Variants in ACSS1 observed in about 807,000 individuals in gnomAD.
ACSS1 encodes acetyl-coenzyme A synthetase 2-like, mitochondrial.
Under a neutral mutation model 75.3 loss-of-function variants are expected in ACSS1, and 42 were observed. That is an observed-to-expected ratio of 0.56 (90% CI 0.44 to 0.72). ACSS1 has a LOEUF of 0.72. Ranked by LOEUF, ACSS1 falls within the 30% of genes least tolerant of loss-of-function variation. The pLI is 0.00. For missense variants in ACSS1, 782 were observed against 935.7 expected (o/e 0.84, Z 2.14); for synonymous variants, 380 against 376.8 (o/e 1.01, Z -0.10).
intron 4 of ACSS1, 115 bp downstream of exon 4, chr20:25,023,350 AG>A (rs2088658719): frequency 7.7e-7 from 1 of 1,291,940 alleles, no homozygotes; most frequent in Non-Finnish European, 1.1e-6. Context: ...CAAATACCAC[AG>A]AGGAACCCTG....
chr20:25,024,340 G>A (rs2088677131), intron 3 of ACSS1, among the ~76,000 whole-genome samples: 1 of 152,200 alleles, frequency 6.6e-6, no homozygotes, highest in South Asian at 2.1e-4. Context: ...CGCACAGTGG[G>A]CCTCAAGACC....
chr20:25,009,495 T>A lies in ACSS1; in HGVS notation c.1772-107A>T. On this transcript the variant is annotated intron_variant, in intron 12 of 13. Coordinates refer to ENST00000323482, the MANE Select transcript of ACSS1 (RefSeq NM_032501.4). Reference sequence around the variant, plus strand: ...GCCAGAAATCCGAAGGGCTTTTGAATCCTATGTTAGTGACATTGTAGCAGC... The same window carrying A: ...GCCAGAAATCCGAAGGGCTTTTGAAACCTATGTTAGTGACATTGTAGCAGC... 3.5e-6 allele frequency: 3 copies of A among 868,118 alleles called. No homozygotes were observed. In the Admixed American group the frequency reaches 6.1e-5, roughly 18 times the overall value. 53.8% of individuals were successfully genotyped at this position (868,118 alleles called of 1,614,324 possible).
chr20:25,013,539 G>C lies in ACSS1; in HGVS notation c.1576C>G (p.Pro526Ala). The change falls in exon 10 of 14, where the codon CCA becomes GCA. Residue 526 changes from proline to alanine, a missense_variant. Physicochemically the swap from Pro to Ala is conservative, Grantham distance 27 (BLOSUM62 -1). Around this residue, in one of 2 missense-constraint regions of ACSS1, gnomAD observed 405 missense variants for 552.6 expected, o/e 0.73. Coordinates refer to ENST00000323482, the MANE Select transcript of ACSS1 (RefSeq NM_032501.4). ...GGGTCCCTGACAGCCTGCTCACCTG[G>C]GTAGGCCTTGAAGTAGGCGTCCACA... is the stretch of plus-strand genomic sequence containing the variant. ...RFVDAYFKAY[P>A]GYYFTGDGAY... is the part of the protein sequence containing the mutation. The C allele has an allele frequency of 6.3e-7, 1 of 1,596,494 alleles. No homozygotes were observed. The highest frequency in any genetic ancestry group is 8.6e-7 in the Non-Finnish European group (1 of 1,165,830).
In ACSS1 at chr20:25,007,018, C is replaced by G; in HGVS notation, c.*744G>C. 2.0e-6 allele frequency: 3 copies of G among 1,522,920 alleles called. No homozygotes were observed. Among genetic ancestry groups the G allele is most frequent in the Non-Finnish European group, 2.6e-6 (3 of 1,139,494 alleles). The allele number at this position is 1,522,920 out of a possible 1,614,324, so 94.3% of individuals were successfully genotyped here. On this transcript the variant is annotated 3_prime_UTR_variant, in exon 14 of 14. Transcript: ENST00000323482. ...GAACATAACTGGAGTAGCTTCAGAA[C>G]TAAGGCGGCCACATTCACCCCACCG...
chr20:25,009,220 T>C (rs754351729), intron 13 of ACSS1, 50 bp downstream of exon 13: 7 of 1,422,548 alleles, frequency 4.9e-6, no homozygotes, highest in South Asian at 1.2e-5. Context: ...CACTTGACAA[T>C]TGTGGGAAGA....
At chr20:25,032,246 G>A in intron 2 of ACSS1, 1 of 880,198 alleles carries the variant, frequency 1.1e-6, no homozygotes, top group Non-Finnish European at 1.5e-6. Flanking sequence ...ACCACTCAGG[G>A]CGCATCATCT....
chr20:25,006,976 C>G lies in ACSS1; in HGVS notation c.*786G>C. 6.5e-7 allele frequency: 1 copy of G among 1,534,940 alleles called. No homozygotes were observed. The highest frequency in any genetic ancestry group is 8.7e-7 in the Non-Finnish European group (1 of 1,146,462). On this transcript the variant is annotated 3_prime_UTR_variant, in exon 14 of 14. Transcript: ENST00000323482. The stretch of plus-strand genomic sequence containing the variant: ...TGGGGGCACAAAAATCTTTCTGGAT[C>G]ACAGCTTGAAGAAACAGAACATAAC...
intron 2 of ACSS1, among the ~76,000 whole-genome samples, chr20:25,041,893 G>T (rs909412258): frequency 6.6e-6 from 1 of 152,200 alleles, no homozygotes; most frequent in Non-Finnish European, 1.5e-5. Context: ...GACTTTGAGG[G>T]TTTGGTCACC....
In ACSS1 at chr20:25,057,903, C is replaced by T. The variant is rs369478811; in HGVS notation, c.200G>A (p.Arg67Gln). The T allele has an allele frequency of 9.9e-6, 16 of 1,611,970 alleles. No homozygotes were observed. The African/African-American group carries it at 1.6e-4, about 16-fold the overall frequency. The change falls in exon 1 of 14, where the codon CGG (arginine) becomes CAG (glutamine). Residue 67 changes from arginine to glutamine, a missense_variant. Transcript: ENST00000323482. ...SYPALSAQAA[R>Q]EPAAFWGPLA... is the part of the protein sequence containing the mutation. Reference sequence around the variant, plus strand: ...AGGCCCCCAGAAGGCGGCCGGCTCCCGGGCTGCCTGTGCACTCAGCGCGGG... The same window carrying T: ...AGGCCCCCAGAAGGCGGCCGGCTCCTGGGCTGCCTGTGCACTCAGCGCGGG...
intron 12 of ACSS1, chr20:25,011,526 C>T (rs1291148708): frequency 6.6e-6 from 1 of 152,336 alleles, no homozygotes; most frequent in Non-Finnish European, 1.5e-5. Flanking sequence ...GCGAGGTAAC[C>T]TCAGGGGGGC....
chr20:25,014,112 G>A (rs763848096), intron 8 of ACSS1, 39 bp from the exon 9 acceptor site: 34 of 1,510,684 alleles, frequency 2.3e-5, no homozygotes, highest in Non-Finnish European at 2.8e-5. Flanking sequence ...AATCGGCCCC[G>A]GACCCAGGGA....
chr20:25,007,865 GC>G lies in ACSS1; in HGVS notation c.1966del (p.Ala656ProfsTer20), dbSNP rs2088336860. On this transcript the variant is annotated frameshift_variant, in exon 14 of 14. Coordinates refer to ENST00000323482, the MANE Select transcript of ACSS1 (RefSeq NM_032501.4). LOFTEE classifies it high-confidence loss of function. The stretch of plus-strand genomic sequence containing the variant: ...GGTGGTAGTGTCTCCCAGCTCCTGG[GC>G]CTCACTAGTGATGATCTTCCTCAGG... ...RLLRKIITSE[A>X]QELGDTTTLE... is the part of the protein sequence containing the mutation. 6.2e-7 allele frequency: 1 copy of G among 1,614,092 alleles called. No homozygotes were observed. Among genetic ancestry groups the G allele is most frequent in the Non-Finnish European group, 8.5e-7 (1 of 1,180,044 alleles).
Position 25,015,212 on chromosome 20 carries a change from C to T in ACSS1, c.1265G>A (p.Cys422Tyr), listed in dbSNP as rs2088495163. 2 of 1,612,080 alleles carry T rather than the reference C, an allele frequency of 1.2e-6. No homozygotes were observed. Among genetic ancestry groups the T allele is most frequent in the Non-Finnish European group, 1.7e-6 (2 of 1,178,370 alleles). The part of the protein sequence containing the change: ...TLGSVGEPIN[C>Y]EAWEWLHRVV... ...CCTGTGAAGCCACTCCCAGGCCTCA[C>T]AGTTGATGGGCTCTCCCACTGAAAC... Residue 422 changes from cysteine to tyrosine, a missense_variant, in exon 8 of 14, where the codon TGT (cysteine) becomes TAT (tyrosine). Physicochemically the swap from Cys to Tyr is radical, Grantham distance 194 (BLOSUM62 -2). This residue lies in a region of ACSS1 where 405 missense variants were observed against 552.6 expected (regional missense o/e 0.73). Coordinates refer to ENST00000323482, the MANE Select transcript of ACSS1 (RefSeq NM_032501.4).
At chr20:25,008,606 G>A (rs1483580182) in intron 13 of ACSS1, among the ~76,000 whole-genome samples, 4 of 152,150 alleles carry the variant, frequency 2.6e-5, no homozygotes, top group East Asian at 1.9e-4. Context: ...GAGTCACAGC[G>A]CGCAATGTTC....
Position 25,007,049 on chromosome 20 carries a change from G to C in ACSS1, c.*713C>G. The C allele has an allele frequency of 6.7e-7, 1 of 1,489,760 alleles. No individual in the cohort carries two copies. Among genetic ancestry groups the C allele is most frequent in the Non-Finnish European group, 8.9e-7 (1 of 1,124,110 alleles). 92.3% of individuals were successfully genotyped at this position (1,489,760 alleles called of 1,614,324 possible). ...CGGCCACATTCACCCCACCGCTTAG[G>C]AGTTAGCTCCATTATACACAACCAA... On this transcript the variant is annotated 3_prime_UTR_variant, in exon 14 of 14. Transcript: ENST00000323482.
At chr20:25,012,241 A>G (rs1481976744) in intron 12 of ACSS1, 2 of 334,294 alleles carry the variant, frequency 6.0e-6, no homozygotes, top group Non-Finnish European at 1.1e-5. Context: ...CCGTGAGGAT[A>G]CATGAGGCTG....
intron 2 of ACSS1, among the ~76,000 whole-genome samples, chr20:25,045,668 C>A (rs1162010651): frequency 6.6e-6 from 1 of 152,232 alleles, no homozygotes; most frequent in Non-Finnish European, 1.5e-5. Flanking sequence ...GGCAGAAAAG[C>A]ACTGTGTTCA....
chr20:25,011,749 G>A (rs1052887461), intron 12 of ACSS1: 1 of 152,362 alleles, frequency 6.6e-6, no homozygotes, highest in East Asian at 1.9e-4. Context: ...AATTTAAAGA[G>A]AGCATTTAAG....
chr20:25,006,851 C>G lies in ACSS1; in HGVS notation c.*911G>C, dbSNP rs1241391886. 1.3e-6 allele frequency: 2 copies of G among 1,535,356 alleles called. No homozygotes were observed. Among genetic ancestry groups the G allele is most frequent in the African/African-American group, 2.7e-5 (2 of 73,048 alleles). ...AGGCAGCGTTTGCCAGGATTTGGCT[C>G]TGACCAAGTTAGTGCTCTAACAAGT... On this transcript the variant is annotated 3_prime_UTR_variant, in exon 14 of 14. Coordinates refer to ENST00000323482, the MANE Select transcript of ACSS1 (RefSeq NM_032501.4).
Sources: gnomAD v4.1 joint callset for allele counts (sites outside exome capture counted in the v4.1 genomes callset) on GRCh38, gnomAD v4.1.1 for gene constraint, gnomAD v4.1.1 regional missense constraint, MANE v1.5 for transcripts, NCBI Gene and HGNC (gene_info 2026-07-23, HGNC 2026-07-21) for gene names.